PCDH15: variants seen among roughly 807,000 people sequenced by gnomAD.
PCDH15 encodes protocadherin-15.
A neutral mutation model predicts 178.5 loss-of-function variants in PCDH15; 129 were observed. That is an observed-to-expected ratio of 0.72 (90% CI 0.63 to 0.84). The LOEUF is 0.84. Among genes scored for constraint, PCDH15 ranks in the 40% least tolerant of loss-of-function variants. PCDH15 has a pLI of 0.00. For synonymous variants in PCDH15, 800 were observed against 732.0 expected (o/e 1.09, Z -1.50); for missense variants, 2,230 against 2,099.9 (o/e 1.06, Z -1.21).
chr10:55,221,406 T>C (rs2132184398), intron 1 of PCDH15, among the ~76,000 whole-genome samples: 1 of 152,294 alleles, frequency 6.6e-6, no homozygotes, highest in Admixed American at 6.5e-5. Flanking sequence ...TATACAGTGC[T>C]CTTCTTTGTA....
At chr10:54,018,104 C>T (rs2092800660) in intron 20 of PCDH15, among the ~76,000 whole-genome samples, 1 of 152,020 alleles carries the variant, frequency 6.6e-6, no homozygotes, top group Non-Finnish European at 1.5e-5. Flanking sequence ...AAAAGAAAAT[C>T]TTATTTGTAG....
chr10:54,420,270 C>G (rs1201833874), intron 3 of PCDH15, among the ~76,000 whole-genome samples: 4 of 152,040 alleles, frequency 2.6e-5, no homozygotes, highest in African/African-American at 9.7e-5. Context: ...TCCCCTGCAG[C>G]CTTGTCTTGT....
Position 54,227,463 on chromosome 10 carries a change from G to A in PCDH15, c.985+9360C>T, listed in dbSNP as rs2053575031. Among the ~76,000 whole-genome samples, 3 of 152,154 alleles carry A rather than the reference G, an allele frequency of 2.0e-5. No individual in the cohort carries two copies. The South Asian group carries it at 6.2e-4, about 32-fold the overall frequency. ...AGTCCCAAGGCTGCACAAGCATGGG[G>A]ATCCTGGGCCCAGCCCACAGAACCA... is the stretch of plus-strand genomic sequence containing the variant. On this transcript the variant is annotated intron_variant, in intron 9 of 37. Coordinates refer to ENST00000644397, the MANE Select transcript of PCDH15 (RefSeq NM_001384140.1).
At chr10:54,390,453 C>T (rs778554403) in intron 3 of PCDH15, among the ~76,000 whole-genome samples, 19 of 152,014 alleles carry the variant, frequency 1.2e-4, no homozygotes, top group African/African-American at 1.7e-4. Context: ...CCACCACGCC[C>T]GGCTAATTTT....
intron 26 of PCDH15, among the ~76,000 whole-genome samples, chr10:53,876,696 AT>A (rs1444432999): frequency 1.3e-5 from 2 of 152,088 alleles, no homozygotes; most frequent in African/African-American, 4.8e-5. Flanking sequence ...CAAGTGTTTG[AT>A]TTTGCATAAG....
intron 3 of PCDH15, among the ~76,000 whole-genome samples, chr10:54,824,384 GA>G (rs1439960241): frequency 3.3e-5 from 5 of 152,136 alleles, no homozygotes; most frequent in Non-Finnish European, 5.9e-5. Context: ...AACAACTGTG[GA>G]AAAGATGTCA....
chr10:55,008,089 C>G (rs1388086902), intron 2 of PCDH15, among the ~76,000 whole-genome samples: 1 of 151,806 alleles, frequency 6.6e-6, no homozygotes, highest in African/African-American at 2.4e-5. Context: ...AAATAATTGC[C>G]ACATATTTGA....
intron 3 of PCDH15, among the ~76,000 whole-genome samples, chr10:54,872,890 A>G (rs903505944): frequency 6.6e-6 from 1 of 152,058 alleles, no homozygotes; most frequent in Non-Finnish European, 1.5e-5. Flanking sequence ...ACAATTTACC[A>G]TTCATTCCTA....
At chr10:54,388,245 C>T (rs1334998135) in intron 3 of PCDH15, among the ~76,000 whole-genome samples, 1 of 152,154 alleles carries the variant, frequency 6.6e-6, no homozygotes, top group African/African-American at 2.4e-5. Flanking sequence ...CCAAAAATGG[C>T]CAGAGGACAA....
intron 1 of PCDH15, among the ~76,000 whole-genome samples, chr10:54,697,780 G>A (rs2095255951): frequency 6.6e-6 from 1 of 151,404 alleles, no homozygotes; most frequent in African/African-American, 2.4e-5. Context: ...AGAAAAGCAG[G>A]AAGGGATGGA....
At chr10:54,626,742 G>A (rs1462924307) in intron 2 of PCDH15, among the ~76,000 whole-genome samples, 1 of 152,154 alleles carries the variant, frequency 6.6e-6, no homozygotes, top group African/African-American at 2.4e-5. Flanking sequence ...TTGGGGCACT[G>A]CCTAGTAGAG....
At chr10:55,065,476 G>A (rs1841539951) in intron 2 of PCDH15, among the ~76,000 whole-genome samples, 1 of 152,010 alleles carries the variant, frequency 6.6e-6, no homozygotes, top group Non-Finnish European at 1.5e-5. Flanking sequence ...TCACTATCAT[G>A]TCTATCACTT....
chr10:55,548,422 T>C (rs188544061), intron 2 of PCDH15, among the ~76,000 whole-genome samples: 1 of 152,176 alleles, frequency 6.6e-6, no homozygotes, highest in Admixed American at 6.6e-5. Context: ...TTGAGTTCTA[T>C]ATGGAAAGCA....
At chr10:53,928,407 G>C (rs2084759663) in intron 25 of PCDH15, among the ~76,000 whole-genome samples, 1 of 151,988 alleles carries the variant, frequency 6.6e-6, no homozygotes, top group African/African-American at 2.4e-5. Context: ...TAAATCTTTA[G>C]CAAGTTATTA....
intron 13 of PCDH15, among the ~76,000 whole-genome samples, chr10:54,154,714 T>C (rs1469568245): frequency 1.3e-5 from 2 of 152,174 alleles, no homozygotes; most frequent in Non-Finnish European, 1.5e-5. Flanking sequence ...TCCATAGACA[T>C]AGCAGCAAAA....
At chr10:54,404,521 A>C (rs902346179) in intron 3 of PCDH15, among the ~76,000 whole-genome samples, 1 of 152,128 alleles carries the variant, frequency 6.6e-6, no homozygotes, top group Non-Finnish European at 1.5e-5. Flanking sequence ...AAATGAACTC[A>C]AGATGCATTA....
At chr10:54,591,214 A>T (rs550166601) in intron 2 of PCDH15, among the ~76,000 whole-genome samples, 2 of 152,292 alleles carry the variant, frequency 1.3e-5, no homozygotes, top group South Asian at 4.1e-4. Context: ...CCTGGTAAAA[A>T]GGACTTTGTA....
intron 2 of PCDH15, among the ~76,000 whole-genome samples, chr10:54,990,848 C>T (rs1839481769): frequency 6.6e-6 from 1 of 152,010 alleles, no homozygotes; most frequent in Admixed American, 6.6e-5. Flanking sequence ...GAAATCCCCT[C>T]AGGATAATAA....
At chr10:54,511,032 G>A (rs941651459) in intron 3 of PCDH15, among the ~76,000 whole-genome samples, 3 of 152,124 alleles carry the variant, frequency 2.0e-5, no homozygotes, top group Admixed American at 6.6e-5. Context: ...GTATAGATGC[G>A]TCACCTTGGA....
Sources: allele counts gnomAD v4.1 joint callset (sites outside exome capture counted in the v4.1 genomes callset), GRCh38; gene constraint gnomAD v4.1.1; transcripts MANE v1.5; gene names NCBI Gene and HGNC (gene_info 2026-07-23, HGNC 2026-07-21).